C17orf113: variants seen among roughly 807,000 people sequenced by gnomAD.
C17orf113 encodes the protein uncharacterized protein C17orf113.
C17orf113 carries 5 observed loss-of-function variants against 11.6 expected under a neutral mutation model. The ratio of observed to expected loss-of-function variants is 0.43; its 90% CI spans 0.23 to 0.91. The LOEUF is 0.91. C17orf113 is among the 40% of genes least tolerant of loss of function. C17orf113 has a pLI of 0.26. For synonymous variants in C17orf113, 327 were observed against 390.6 expected, an observed-to-expected ratio of 0.84 and a Z score of 1.92; for missense variants, 714 against 841.3, an observed-to-expected ratio of 0.85 and a Z score of 1.87.
rs190667137 is a variant in C17orf113, at chr17:42,043,992, G to A, written c.-187-429C>T. Among the ~76,000 whole-genome samples the A allele has an allele frequency of 2.2e-4, 33 of 151,944 alleles. No homozygotes were observed. The East Asian group carries it at 5.0e-3, about 23-fold the overall frequency. On this transcript the variant is annotated intron_variant, in intron 1 of 2. Coordinates refer to ENST00000587304, the MANE Select transcript of C17orf113 (RefSeq NM_001358661.2). ...AACTCCTAGCCCAAAAGATGACTGT[G>A]CCCTTCAGCCCACAGTCATCTATTT...
In C17orf113 at chr17:42,047,023, C is replaced by T. The variant is rs530082547; in HGVS notation, c.-187-3460G>A. Among the ~76,000 whole-genome samples, 985 of 122,738 alleles carry T rather than the reference C, an allele frequency of 8.0e-3. 13 individuals are homozygous for T. Among genetic ancestry groups the T allele is most frequent in the African/African-American group, 0.027 (888 of 33,178 alleles). 80.5% of individuals were successfully genotyped at this position (122,738 alleles called of 152,430 possible). Reference sequence around the variant, plus strand: ...GATTACAGGCACATGCCGCCATGCCCGGCTAATTTTTTTTTTTTTTTTTTT... The same window carrying T: ...GATTACAGGCACATGCCGCCATGCCTGGCTAATTTTTTTTTTTTTTTTTTT... On this transcript the variant is annotated intron_variant, in intron 1 of 2. Coordinates refer to ENST00000587304, the MANE Select transcript of C17orf113 (RefSeq NM_001358661.2).
intron 1 of C17orf113, among the ~76,000 whole-genome samples, chr17:42,044,500 C>T (rs2053106704): frequency 6.6e-6 from 1 of 151,736 alleles, no homozygotes; most frequent in African/African-American, 2.4e-5. Context: ...CCTGTAATCC[C>T]AGCTACTCGG....
chr17:42,048,336 T>A (rs2053211955), intron 1 of C17orf113, among the ~76,000 whole-genome samples: 1 of 148,452 alleles, frequency 6.7e-6, no homozygotes, highest in African/African-American at 2.5e-5. Context: ...CCCATGAGTT[T>A]GAGACCAGCC....
chr17:42,047,257 C>T (rs2053183383), intron 1 of C17orf113, among the ~76,000 whole-genome samples: 1 of 152,174 alleles, frequency 6.6e-6, no homozygotes, highest in Admixed American at 6.5e-5. Flanking sequence ...TGGTCTTGAT[C>T]TCCTGACCTC....
rs995510153 is a variant in C17orf113, at chr17:42,040,431, C to T, written c.1302G>A (p.Ala434=). The part of the protein sequence containing the change: ...DLALLQPLVM[A]AAASLQAQRG... ...GCTGAGCTTGGAGGGAGGCCGCAGCCGCCATCACCAGAGGCTGCAGCAAGG... is the reference window on the plus strand; with the variant it reads ...GCTGAGCTTGGAGGGAGGCCGCAGCTGCCATCACCAGAGGCTGCAGCAAGG... The change falls in exon 3 of 3, where the codon GCG becomes GCA. Residue 434 remains alanine, a synonymous_variant. Transcript: ENST00000587304. 2.2e-4 allele frequency: 268 copies of T among 1,231,972 alleles called. No individual in the cohort carries two copies. Among genetic ancestry groups the T allele is most frequent in the Middle Eastern group, 3.1e-4 (1 of 3,230 alleles). 76.3% of individuals were successfully genotyped at this position (1,231,972 alleles called of 1,614,324 possible).
Position 42,039,597 on chromosome 17 carries a change from G to T in C17orf113, c.*108C>A. 1 of 1,055,448 alleles carries T rather than the reference G, an allele frequency of 9.5e-7. No individual in the cohort carries two copies. Among genetic ancestry groups the T allele is most frequent in the Non-Finnish European group, 1.2e-6 (1 of 827,520 alleles). 65.4% of individuals were successfully genotyped at this position (1,055,448 alleles called of 1,614,324 possible). A position where few individuals can be genotyped will look rare whatever the true frequency, so the allele number is the denominator to read the frequency against. On this transcript the variant is annotated 3_prime_UTR_variant, in exon 3 of 3. Coordinates refer to ENST00000587304, the MANE Select transcript of C17orf113 (RefSeq NM_001358661.2). ...GCGGGTGGATGGCCTCAGGCCCCTG[G>T]GAGGCTGCAGTCAGCAGATCATCTT...
Position 42,040,051 on chromosome 17 carries a change from A to C in C17orf113, c.1682T>G (p.Phe561Cys). ...GAATACTACGCGCTTAAACAGCGCGAAGTCGCCCAGCGCCCGCTGGCGCAC... is the reference window on the plus strand; with the variant it reads ...GAATACTACGCGCTTAAACAGCGCGCAGTCGCCCAGCGCCCGCTGGCGCAC... ...AVVRQRALGD[F>C]ALFKRVVFGL... The change falls in exon 3 of 3, where the codon TTC becomes TGC. Residue 561 changes from phenylalanine (F) to cysteine (C), a missense_variant. By Grantham distance (205) the Phe-to-Cys change is radical (BLOSUM62 -2). Coordinates refer to ENST00000587304, the MANE Select transcript of C17orf113 (RefSeq NM_001358661.2). The C allele has an allele frequency of 8.1e-7, 1 of 1,231,064 alleles. No individual in the cohort carries two copies. The highest frequency in any genetic ancestry group is 1.0e-6 in the Non-Finnish European group (1 of 987,500). The allele number at this position is 1,231,064 out of a possible 1,614,324, so 76.3% of individuals were successfully genotyped here.
Position 42,041,122 on chromosome 17 carries a change from A to G in C17orf113, c.611T>C (p.Leu204Pro). ...CCAGTCTCTGGTCTCGTCCAACACC[A>G]GCCCCACATATGGGGATGCCTTCAG... ...QRLKASPYVG[L>P]VLDETRDWPE... Residue 204 changes from leucine (L) to proline (P), a missense_variant, in exon 3 of 3, where the codon CTG (leucine) becomes CCG (proline). Transcript: ENST00000587304. 6.5e-6 allele frequency: 8 copies of G among 1,232,268 alleles called. No homozygotes were observed. The highest frequency in any genetic ancestry group is 7.1e-6 in the Non-Finnish European group (7 of 988,034). 76.3% of individuals were successfully genotyped at this position (1,232,268 alleles called of 1,614,324 possible).
At chr17:42,041,832 G>C (rs2053030094) in intron 2 of C17orf113, among the ~76,000 whole-genome samples, 1 of 152,142 alleles carries the variant, frequency 6.6e-6, no homozygotes, top group African/African-American at 2.4e-5. Context: ...GCTGCAATTT[G>C]CATGCTTCCA....
At chr17:42,048,092 C>T (rs2053205535) in intron 1 of C17orf113, among the ~76,000 whole-genome samples, 1 of 151,988 alleles carries the variant, frequency 6.6e-6, no homozygotes, top group African/African-American at 2.4e-5. Flanking sequence ...GTCATCTCCT[C>T]CCCCCCTTCC....
Position 42,038,288 on chromosome 17 carries a change from A to G in C17orf113, c.*1417T>C. 1.9e-6 allele frequency: 1 copy of G among 537,128 alleles called. No individual in the cohort carries two copies. Among genetic ancestry groups the G allele is most frequent in the East Asian group, 3.3e-5 (1 of 30,552 alleles). The allele number at this position is 537,128 out of a possible 1,614,324, so 33.3% of individuals were successfully genotyped here. A position where few individuals can be genotyped will look rare whatever the true frequency, so the allele number is the denominator to read the frequency against. On this transcript the variant is annotated 3_prime_UTR_variant, in exon 3 of 3. Coordinates refer to ENST00000587304, the MANE Select transcript of C17orf113 (RefSeq NM_001358661.2). ...TAAACTCAAACCCAGGGGTATTAGG[A>G]AAAGGCTAGCCCTCGCCCCTCTCAC...
chr17:42,041,127 C>A lies in C17orf113; in HGVS notation c.606G>T (p.Val202=), dbSNP rs1193391213. Residue 202 remains valine (V), a synonymous_variant, in exon 3 of 3, where the codon GTG becomes GTT. Coordinates refer to ENST00000587304, the MANE Select transcript of C17orf113 (RefSeq NM_001358661.2). ...CTCTGGTCTCGTCCAACACCAGCCCCACATATGGGGATGCCTTCAGGCGCT... is the reference window on the plus strand; with the variant it reads ...CTCTGGTCTCGTCCAACACCAGCCCAACATATGGGGATGCCTTCAGGCGCT... ...ACQRLKASPY[V]GLVLDETRDW... 8.1e-7 allele frequency: 1 copy of A among 1,232,176 alleles called. No individual in the cohort carries two copies. Among genetic ancestry groups the A allele is most frequent in the Admixed American group, 4.2e-5 (1 of 23,708 alleles). The allele number at this position is 1,232,176 out of a possible 1,614,324, so 76.3% of individuals were successfully genotyped here.
Position 42,038,990 on chromosome 17 carries a change from C to G in C17orf113, c.*715G>C, listed in dbSNP as rs1555655750. 1 of 152,324 alleles carries G rather than the reference C, an allele frequency of 6.6e-6. No individual in the cohort carries two copies. Among genetic ancestry groups the G allele is most frequent in the Non-Finnish European group, 1.5e-5 (1 of 68,138 alleles). 9.4% of individuals were successfully genotyped at this position (152,324 alleles called of 1,614,324 possible). On this transcript the variant is annotated 3_prime_UTR_variant, in exon 3 of 3. Coordinates refer to ENST00000587304, the MANE Select transcript of C17orf113 (RefSeq NM_001358661.2). ...CAAGGACCAGACGCAGTGGCTCATGCCTGTAATCCCAGCATTTTGGGAGGC... is the reference window on the plus strand; with the variant it reads ...CAAGGACCAGACGCAGTGGCTCATGGCTGTAATCCCAGCATTTTGGGAGGC...
In C17orf113 at chr17:42,039,679, G is replaced by C; in HGVS notation, c.*26C>G. On this transcript the variant is annotated 3_prime_UTR_variant, in exon 3 of 3. Transcript: ENST00000587304. Reference sequence around the variant, plus strand: ...TTACAGTGCCCAGGGCCCCAGGCTGGATGGGCCGAGGGAAGGAGGCCACCC... The same window carrying C: ...TTACAGTGCCCAGGGCCCCAGGCTGCATGGGCCGAGGGAAGGAGGCCACCC... 8.1e-7 allele frequency: 1 copy of C among 1,232,168 alleles called. No individual in the cohort carries two copies. The highest frequency in any genetic ancestry group is 1.0e-6 in the Non-Finnish European group (1 of 987,974). 76.3% of individuals were successfully genotyped at this position (1,232,168 alleles called of 1,614,324 possible).
intron 1 of C17orf113, among the ~76,000 whole-genome samples, chr17:42,049,516 G>A (rs1555656916): frequency 6.6e-6 from 1 of 152,210 alleles, no homozygotes. Context: ...AGGCAGAGAG[G>A]GCAGTGGAGC....
At chr17:42,044,381 C>G (rs2053104340) in intron 1 of C17orf113, among the ~76,000 whole-genome samples, 2 of 150,332 alleles carry the variant, frequency 1.3e-5, no homozygotes, top group Admixed American at 6.6e-5. Flanking sequence ...CTTTGGGAGG[C>G]CGAGGCAGGC....
chr17:42,048,524 G>A (rs781842224), intron 1 of C17orf113, among the ~76,000 whole-genome samples: 5 of 152,214 alleles, frequency 3.3e-5, no homozygotes, highest in African/African-American at 1.2e-4. Context: ...GCCACCCTGG[G>A]TGACACAGCG....
Position 42,038,794 on chromosome 17 carries a change from G to A in C17orf113, c.*911C>T, listed in dbSNP as rs1053094676. The A allele has an allele frequency of 6.6e-5, 10 of 152,362 alleles. No individual in the cohort carries two copies. Among genetic ancestry groups the A allele is most frequent in the African/African-American group, 2.4e-4 (10 of 41,570 alleles). 9.4% of individuals were successfully genotyped at this position (152,362 alleles called of 1,614,324 possible). On this transcript the variant is annotated 3_prime_UTR_variant, in exon 3 of 3. Transcript: ENST00000587304. ...AGAAAAGGCCTGAGGCTGCCTATTG[G>A]TGAGGAGGGAAGGAAGGGAACCACT...
chr17:42,040,008 G>A lies in C17orf113; in HGVS notation c.1725C>T (p.Gly575=). 1 of 1,231,058 alleles carries A rather than the reference G, an allele frequency of 8.1e-7. No individual in the cohort carries two copies. Among genetic ancestry groups the A allele is most frequent in the Non-Finnish European group, 1.0e-6 (1 of 987,476 alleles). The allele number at this position is 1,231,058 out of a possible 1,614,324, so 76.3% of individuals were successfully genotyped here. ...CCAGCTGGGTGCACAGGGCCCGCGG[G>A]CCGAGCCGCCCAAGGCCGAATACTA... is the stretch of plus-strand genomic sequence containing the variant. The part of the protein sequence containing the change: ...KRVVFGLGRL[G]PRALCTQLAC... The change falls in exon 3 of 3, where the codon GGC becomes GGT. Residue 575 remains glycine (G), a synonymous_variant. Coordinates refer to ENST00000587304, the MANE Select transcript of C17orf113 (RefSeq NM_001358661.2).
Sources: allele counts gnomAD v4.1 joint callset (sites outside exome capture counted in the v4.1 genomes callset), GRCh38; gene constraint gnomAD v4.1.1; transcripts MANE v1.5; gene names NCBI Gene and HGNC (gene_info 2026-07-23, HGNC 2026-07-21).